Variants in ITPR2 observed in about 807,000 individuals in gnomAD.
The protein encoded by ITPR2 is inositol 1,4,5-trisphosphate receptor type 2.
In ITPR2, 207 loss-of-function variants were observed where a neutral mutation model predicts 317.1. That is an observed-to-expected ratio of 0.65 (90% confidence interval 0.58 to 0.73). The LOEUF (loss-of-function observed/expected upper bound fraction) is 0.73. Ranked by LOEUF, ITPR2 falls within the 30% of genes least tolerant of loss-of-function variation. ITPR2 has a pLI of 0.00. For synonymous variants in ITPR2, 1,156 were observed against 1,149.1 expected (o/e 1.01, Z -0.12); for missense variants, 2,613 against 3,284.0 (o/e 0.80, Z 4.99).
chr12:26,699,468 C>T (rs562119630), intron 9 of ITPR2, among the ~76,000 whole-genome samples: 2 of 152,306 alleles, frequency 1.3e-5, no homozygotes, highest in South Asian at 4.1e-4. Context: ...TATGACTAAA[C>T]CATGACTCTA....
intron 49 of ITPR2, among the ~76,000 whole-genome samples, chr12:26,423,608 G>A (rs181816409): frequency 7.6e-4 from 115 of 152,202 alleles, no homozygotes; most frequent in Non-Finnish European, 1.4e-3. Context: ...ACGCCCATAT[G>A]ACTGGAAATA....
chr12:26,509,404 A>G (rs1276707840), intron 37 of ITPR2, among the ~76,000 whole-genome samples: 2 of 152,242 alleles, frequency 1.3e-5, no homozygotes, highest in South Asian at 2.1e-4. Context: ...GAATATCTCA[A>G]TAAAGCTGTT....
chr12:26,667,181 A>C (rs2136927926), intron 13 of ITPR2, among the ~76,000 whole-genome samples: 1 of 152,352 alleles, frequency 6.6e-6, no homozygotes, highest in South Asian at 2.1e-4. Flanking sequence ...CAACAATTCC[A>C]GGAAAGTATA....
rs1938574954 is a variant in ITPR2, at chr12:26,354,589, CT to C, written c.7858-14262del. The stretch of plus-strand genomic sequence containing the variant: ...CCATTTTATTTAGTTGTTCTTTAAA[CT>C]GTGAAGTCTCTCTTTAAGTCTTTTC... On this transcript the variant is annotated intron_variant, in intron 55 of 56. Coordinates refer to ENST00000381340, the MANE Select transcript of ITPR2 (RefSeq NM_002223.4). 2.0e-5 allele frequency among the ~76,000 whole-genome samples: 3 copies of C among 152,310 alleles called. No homozygotes were observed. The South Asian group carries it at 6.2e-4, about 32-fold the overall frequency.
rs1950508593 is a variant in ITPR2, at chr12:26,799,061, AT to A, written c.93-8835del. Among the ~76,000 whole-genome samples, 5 of 152,362 alleles carry A rather than the reference AT, an allele frequency of 3.3e-5. No individual in the cohort carries two copies. In the South Asian group the frequency reaches 1.0e-3, roughly 32 times the overall value. Reference sequence around the variant, plus strand: ...ATTTCAATAATGTTGACAAACATATATTTTGGTTTAAATATTAAAAGTATGT... The same window carrying A: ...ATTTCAATAATGTTGACAAACATATATTTGGTTTAAATATTAAAAGTATGT... On this transcript the variant is annotated intron_variant, in intron 1 of 56. Transcript: ENST00000381340.
chr12:26,700,665 T>C (rs10842780), intron 9 of ITPR2, among the ~76,000 whole-genome samples: 127,916 of 152,188 alleles, frequency 0.84, 53,917 homozygotes, highest in Admixed American at 0.89. Flanking sequence ...TCAGCCCAGA[T>C]CATCCAGGCC....
intron 2 of ITPR2, among the ~76,000 whole-genome samples, chr12:26,727,028 C>A (rs886869981): frequency 1.3e-5 from 2 of 151,858 alleles, no homozygotes; most frequent in African/African-American, 4.8e-5. Flanking sequence ...TAGTAGAAAA[C>A]AGATACCTTC....
At chr12:26,635,896 T>C (rs1328382501) in intron 21 of ITPR2, among the ~76,000 whole-genome samples, 3 of 152,270 alleles carry the variant, frequency 2.0e-5, no homozygotes, top group African/African-American at 7.2e-5. Context: ...AACAAAAACA[T>C]TAGCATAAGA....
chr12:26,508,208 C>A (rs1943241576), intron 37 of ITPR2, among the ~76,000 whole-genome samples: 1 of 152,114 alleles, frequency 6.6e-6, no homozygotes, highest in African/African-American at 2.4e-5. Context: ...TTTAGGGATA[C>A]ATAAAATTAT....
intron 55 of ITPR2, among the ~76,000 whole-genome samples, chr12:26,364,300 A>C (rs2136585226): frequency 6.6e-6 from 1 of 152,338 alleles, no homozygotes; most frequent in African/African-American, 2.4e-5. Flanking sequence ...TGTGTGTTAG[A>C]ATGTAAACAT....
At chr12:26,555,916 A>G (rs1944651096) in intron 36 of ITPR2, among the ~76,000 whole-genome samples, 1 of 152,258 alleles carries the variant, frequency 6.6e-6, no homozygotes, top group Non-Finnish European at 1.5e-5. Context: ...ACTTTAAACA[A>G]GAATTTTTTT....
chr12:26,426,124 G>T (rs1331109205), intron 49 of ITPR2, among the ~76,000 whole-genome samples: 3 of 152,032 alleles, frequency 2.0e-5, no homozygotes, highest in Non-Finnish European at 4.4e-5. Flanking sequence ...ATATAACAGA[G>T]GCCCAGTAAA....
intron 37 of ITPR2, among the ~76,000 whole-genome samples, chr12:26,542,376 TGAA>T (rs1944288115): frequency 6.6e-6 from 1 of 152,202 alleles, no homozygotes; most frequent in African/African-American, 2.4e-5. Flanking sequence ...AACATGCCAA[TGAA>T]GTGTGTGAGC....
At chr12:26,743,550 T>A (rs1010525705) in intron 2 of ITPR2, among the ~76,000 whole-genome samples, 5 of 152,172 alleles carry the variant, frequency 3.3e-5, no homozygotes, top group Non-Finnish European at 5.9e-5. Context: ...TTAGAACATA[T>A]AATATGTTCA....
intron 55 of ITPR2, among the ~76,000 whole-genome samples, chr12:26,363,406 C>T (rs954414961): frequency 1.3e-5 from 2 of 152,124 alleles, no homozygotes; most frequent in Non-Finnish European, 2.9e-5. Flanking sequence ...AAAGTGTGCA[C>T]AATAAATGTA....
intron 37 of ITPR2, among the ~76,000 whole-genome samples, chr12:26,516,623 A>T (rs1267072739): frequency 1.3e-5 from 2 of 152,216 alleles, no homozygotes; most frequent in Non-Finnish European, 2.9e-5. Flanking sequence ...ATTATAAAAA[A>T]ATTTTTATAT....
chr12:26,625,695 G>T (rs2136818160), intron 23 of ITPR2, among the ~76,000 whole-genome samples: 1 of 152,244 alleles, frequency 6.6e-6, no homozygotes, highest in South Asian at 2.1e-4. Flanking sequence ...ACATACATAT[G>T]CACATACTTA....
chr12:26,637,340 A>T (rs1444461506), intron 21 of ITPR2, among the ~76,000 whole-genome samples: 1 of 152,216 alleles, frequency 6.6e-6, no homozygotes, highest in Non-Finnish European at 1.5e-5. Context: ...TGATGGTAGT[A>T]GTATAGCATG....
rs180731069 is a variant in ITPR2 at position 26,557,821 on chromosome 12, G to A, written c.4822-1446C>T. On this transcript the variant is annotated intron_variant, in intron 35 of 56. Coordinates refer to ENST00000381340, the MANE Select transcript of ITPR2 (RefSeq NM_002223.4). ...ATAATTTCCTAAACATTCTTTAATG[G>A]TTAAAGCACCCCCATTTTATTTTTA... Among the ~76,000 whole-genome samples the A allele has an allele frequency of 7.9e-5, 12 of 151,978 alleles. No individual in the cohort carries two copies. The East Asian group carries it at 2.1e-3, about 27-fold the overall frequency.
Sources: gnomAD v4.1 joint callset for allele counts (sites outside exome capture counted in the v4.1 genomes callset) on GRCh38, gnomAD v4.1.1 for gene constraint, MANE v1.5 for transcripts, NCBI Gene and HGNC (gene_info 2026-07-23, HGNC 2026-07-21) for gene names.